The following AGBL1 variants were observed in gnomAD, a reference collection of about 807,000 sequenced individuals.
The protein encoded by AGBL1 is AGBL carboxypeptidase 1.
In AGBL1, 130 loss-of-function variants were observed where a neutral mutation model predicts 118.9. That is an observed-to-expected ratio of 1.09 (90% CI 0.95 to 1.26). The LOEUF is 1.26. AGBL1 is among the 50% of genes most tolerant of loss of function. The probability of loss-of-function intolerance (pLI) is 0.00; values close to 1 mark genes in which losing one functional copy is unlikely to be tolerated. For missense variants in AGBL1, 1,584 were observed against 1,298.1 expected (o/e 1.22, Z -3.38); for synonymous variants, 555 against 478.9 (o/e 1.16, Z -2.08).
intron 18 of AGBL1, among the ~76,000 whole-genome samples, chr15:86,407,264 G>A (rs1433235344): frequency 6.6e-6 from 1 of 152,174 alleles, no homozygotes; most frequent in South Asian, 2.1e-4. Flanking sequence ...AGGAGATTGA[G>A]TGACATACTC....
At chr15:86,341,425 AG>A (rs2080460380) in intron 17 of AGBL1, among the ~76,000 whole-genome samples, 1 of 152,098 alleles carries the variant, frequency 6.6e-6, no homozygotes, top group African/African-American at 2.4e-5. Context: ...TTGGGTCCTG[AG>A]TTTCTGAGCT....
chr15:86,338,395 G>A (rs1025018855), intron 17 of AGBL1, among the ~76,000 whole-genome samples: 1 of 152,158 alleles, frequency 6.6e-6, no homozygotes, highest in South Asian at 2.1e-4. Flanking sequence ...GACACTGGTA[G>A]CAGTTGTAGG....
intron 22 of AGBL1, among the ~76,000 whole-genome samples, chr15:86,725,795 A>T (rs2086809654): frequency 2.0e-5 from 3 of 152,218 alleles, no homozygotes; most frequent in African/African-American, 7.2e-5. Context: ...ATCATTCTGG[A>T]TGAATCAACC....
At chr15:86,534,707 C>T (rs1382673363) in intron 19 of AGBL1, among the ~76,000 whole-genome samples, 3 of 151,992 alleles carry the variant, frequency 2.0e-5, no homozygotes, top group Non-Finnish European at 4.4e-5. Context: ...AAAACTAAAC[C>T]AAAAAATGAA....
In AGBL1 at chr15:86,613,658, A is replaced by C. The variant is rs2084686047; in HGVS notation, c.2994+59121A>C. Among the ~76,000 whole-genome samples, 1 of 152,196 alleles carries C rather than the reference A, an allele frequency of 6.6e-6. No homozygotes were observed. The highest frequency in any genetic ancestry group is 1.5e-5 in the Non-Finnish European group (1 of 68,030). On this transcript the variant is annotated intron_variant, in intron 21 of 22. Coordinates refer to ENST00000614907, the MANE Select transcript of AGBL1 (RefSeq NM_001386094.1). The surrounding 1 kb of genome is among the most constrained non-coding windows in gnomAD (Gnocchi z 4.2). ...TAAAGAAGGCATGACGTTTCCCAGA[A>C]AGAGGGCATTTTCTATTGAGGGATG...
intron 22 of AGBL1, among the ~76,000 whole-genome samples, chr15:86,806,232 A>C (rs761719492): frequency 6.6e-6 from 1 of 152,090 alleles, no homozygotes; most frequent in Non-Finnish European, 1.5e-5. Flanking sequence ...CATACTATAG[A>C]TCAATGGGGT....
At chr15:86,423,969 A>G (rs1254507454) in intron 18 of AGBL1, among the ~76,000 whole-genome samples, 1 of 152,242 alleles carries the variant, frequency 6.6e-6, no homozygotes, top group East Asian at 1.9e-4. Flanking sequence ...AAAGTAATTT[A>G]TAGATTGAAT....
At chr15:86,111,945 C>T (rs905312919) in intron 1 of AGBL1, among the ~76,000 whole-genome samples, 1 of 152,140 alleles carries the variant, frequency 6.6e-6, no homozygotes, top group South Asian at 2.1e-4. Flanking sequence ...AGCACGAGCC[C>T]TGTCGTGAAC....
intron 22 of AGBL1, among the ~76,000 whole-genome samples, chr15:86,735,086 ATT>A (rs2077573973): frequency 1.2e-5 from 1 of 84,586 alleles, no homozygotes; most frequent in African/African-American, 3.5e-5. Context: ...AATAATAATT[ATT>A]ATTATTATTT....
intron 22 of AGBL1, among the ~76,000 whole-genome samples, chr15:86,696,037 A>T (rs568929641): frequency 6.6e-6 from 1 of 151,982 alleles, no homozygotes; most frequent in Admixed American, 6.6e-5. Context: ...CCATGTGCTC[A>T]TGAGTAGAAT....
chr15:86,997,892 CACACACACACACACACA>C (rs1369881017), intron 24 of AGBL1, among the ~76,000 whole-genome samples: 1,942 of 28,576 alleles, frequency 0.068, 45 homozygotes, highest in African/African-American at 0.11. Flanking sequence ...ATGTGGAAGA[CACACACACACACACACA>C]CACACACACA....
intron 22 of AGBL1, among the ~76,000 whole-genome samples, chr15:86,725,668 C>T (rs377428444): frequency 1.3e-5 from 2 of 152,210 alleles, no homozygotes; most frequent in East Asian, 1.9e-4. Context: ...GGGTTTCTTT[C>T]TACTGGTAGG....
chr15:86,266,919 A>G, intron 12 of AGBL1, 71 bp from the exon 13 acceptor site: 2 of 1,255,918 alleles, frequency 1.6e-6, no homozygotes, highest in East Asian at 2.6e-5. Context: ...ATAATGAAAA[A>G]AAGAATCATC....
intron 18 of AGBL1, among the ~76,000 whole-genome samples, chr15:86,417,993 C>T (rs992612782): frequency 1.1e-4 from 16 of 152,124 alleles, no homozygotes; most frequent in African/African-American, 3.6e-4. Flanking sequence ...CTTGCTGTAT[C>T]ACTCTATAGT....
intron 22 of AGBL1, among the ~76,000 whole-genome samples, chr15:86,679,788 C>A (rs1463638884): frequency 6.6e-6 from 1 of 152,002 alleles, no homozygotes; most frequent in Non-Finnish European, 1.5e-5. Context: ...TCAAAAGATT[C>A]TTTAGTATCT....
At chr15:86,304,064 T>C (rs527434873) in intron 17 of AGBL1, among the ~76,000 whole-genome samples, 196 of 152,294 alleles carry the variant, frequency 1.3e-3, no homozygotes, top group African/African-American at 4.6e-3. Flanking sequence ...ACCTTCAAGA[T>C]ACAATCACCC....
At chr15:86,571,511 C>G (rs1053331141) in intron 21 of AGBL1, among the ~76,000 whole-genome samples, 1 of 152,166 alleles carries the variant, frequency 6.6e-6, no homozygotes, top group Non-Finnish European at 1.5e-5. Context: ...TACTTGCTCT[C>G]TGCAGCTGGT....
intron 20 of AGBL1, among the ~76,000 whole-genome samples, chr15:86,550,486 T>A (rs2083649376): frequency 6.6e-6 from 1 of 152,012 alleles, no homozygotes; most frequent in South Asian, 2.1e-4. Flanking sequence ...TATATTGACA[T>A]AAGACAAAAT....
chr15:86,736,747 T>C (rs988907769), intron 22 of AGBL1, among the ~76,000 whole-genome samples: 23 of 152,340 alleles, frequency 1.5e-4, no homozygotes, highest in African/African-American at 5.1e-4. Flanking sequence ...GTATGCATGC[T>C]GGAAGTATAA....
Sources: gnomAD v4.1 joint callset for allele counts (sites outside exome capture counted in the v4.1 genomes callset) on GRCh38, gnomAD v4.1.1 for gene constraint, Gnocchi (gnomAD v3.1) non-coding constraint, MANE v1.5 for transcripts, NCBI Gene and HGNC (gene_info 2026-07-23, HGNC 2026-07-21) for gene names.